CELF2: variants seen among roughly 807,000 people sequenced by gnomAD.
CELF2 encodes CUG triplet repeat RNA-binding protein 2.
CELF2 carries 8 observed loss-of-function variants against 62.6 expected under a neutral mutation model. That is an observed-to-expected ratio of 0.13 (90% CI 0.07 to 0.23). The LOEUF (loss-of-function observed/expected upper bound fraction) is 0.23, where lower values mean the gene tolerates loss of function less well. Among genes scored for constraint, CELF2 ranks in the 10% least tolerant of loss-of-function variants. The pLI is 1.00. For synonymous variants in CELF2, 258 were observed against 250.0 expected, an observed-to-expected ratio of 1.03 and a Z score of -0.30; for missense variants, 333 against 671.0, an observed-to-expected ratio of 0.50 and a Z score of 5.56.
rs2046715248 is a variant in CELF2 at position 10,938,947 on chromosome 10, T to A, written c.89+18948T>A. Among the ~76,000 whole-genome samples, 1 of 152,186 alleles carries A rather than the reference T, an allele frequency of 6.6e-6. No individual in the cohort carries two copies. Among genetic ancestry groups the A allele is most frequent in the East Asian group, 1.9e-4 (1 of 5,188 alleles). ...CTTTCTCCATGCCTAGGCCAAGCGC[T>A]CCTGCAGCAGCAAAATCCCTCTCTG... On this transcript the variant is annotated intron_variant, in intron 2 of 13. Coordinates refer to the CELF2 transcript ENST00000636488. This position sits in a 1 kb window ranked among gnomAD's most constrained non-coding sequence, Gnocchi z 4.2.
At chr10:11,229,386 T>C (rs1472952279) in intron 3 of CELF2, among the ~76,000 whole-genome samples, 1 of 152,148 alleles carries the variant, frequency 6.6e-6, no homozygotes, top group Admixed American at 6.5e-5. Context: ...CTACCCAAAA[T>C]GATATGTGCA....
At chr10:10,692,748 G>A in the CELF2 span, among the ~76,000 whole-genome samples, 19 of 68,322 alleles carry the variant, frequency 2.8e-4, no homozygotes, top group African/African-American at 4.8e-4. Flanking sequence ...TGGATTCCTA[G>A]GTATTTTATT....
At chr10:10,925,431 A>G (rs999013425) in intron 2 of CELF2, among the ~76,000 whole-genome samples, 4 of 151,966 alleles carry the variant, frequency 2.6e-5, no homozygotes, top group African/African-American at 9.7e-5. Flanking sequence ...TCAGCTTGGC[A>G]TACACTTAGT....
intron 2 of CELF2, among the ~76,000 whole-genome samples, chr10:11,204,801 GC>G (rs1279108516): frequency 1.3e-5 from 2 of 152,210 alleles, no homozygotes; most frequent in Admixed American, 1.3e-4. Flanking sequence ...CGTCCTCATC[GC>G]AGCGTTTAGG....
intron 5 of CELF2, among the ~76,000 whole-genome samples, chr10:11,262,472 T>C (rs1295576859): frequency 6.6e-6 from 1 of 152,192 alleles, no homozygotes; most frequent in Non-Finnish European, 1.5e-5. Context: ...GTGGGAACTT[T>C]GGCGACATGC....
chr10:11,280,080 G>T lies in CELF2; in HGVS notation c.841+4960G>T, dbSNP rs116443562. 6.6e-6 allele frequency among the ~76,000 whole-genome samples: 1 copy of T among 152,150 alleles called. No individual in the cohort carries two copies. Among genetic ancestry groups the T allele is most frequent in the Admixed American group, 6.5e-5 (1 of 15,284 alleles). On this transcript the variant is annotated intron_variant, in intron 8 of 12. Transcript: ENST00000633077. This position sits in a 1 kb window ranked among gnomAD's most constrained non-coding sequence, Gnocchi z 7.6. ...GGTCTGGTGCCCTTTCAGGATGAGC[G>T]TGTGGGATAAAGTGTGACTTGGGGT...
intron 2 of CELF2, among the ~76,000 whole-genome samples, chr10:10,921,761 A>G (rs1322312217): frequency 6.6e-6 from 1 of 151,562 alleles, no homozygotes; most frequent in African/African-American, 2.4e-5. Context: ...GGGTGTGTGG[A>G]TTCAGAGCAG....
the CELF2 span, among the ~76,000 whole-genome samples, chr10:10,464,744 A>T: frequency 6.6e-6 from 1 of 152,188 alleles, no homozygotes; most frequent in Non-Finnish European, 1.5e-5. Context: ...TGAACTAGTA[A>T]TCAGTCCATA....
At chr10:10,641,064 T>A in the CELF2 span, among the ~76,000 whole-genome samples, 1 of 152,180 alleles carries the variant, frequency 6.6e-6, no homozygotes, top group Non-Finnish European at 1.5e-5. Flanking sequence ...TGAGAACATG[T>A]GGTATGTCAG....
At chr10:11,251,796 C>T (rs1326655740) in intron 4 of CELF2, among the ~76,000 whole-genome samples, 3 of 152,180 alleles carry the variant, frequency 2.0e-5, no homozygotes, top group Non-Finnish European at 2.9e-5. Context: ...GCATAATACC[C>T]GGCACGTAGC....
At position 11,157,334 on chromosome 10, in the gene CELF2, G is replaced by A. The variant is rs1370072109; in HGVS notation, c.75-8152G>A. On this transcript the variant is annotated intron_variant, in intron 1 of 12. Transcript: ENST00000633077. The surrounding 1 kb of genome is among the most constrained non-coding windows in gnomAD (Gnocchi z 4.9). ...TTTTTTGTTTCGTTTCAATGCCATT[G>A]CCAACTAGGTGAAATGGTATAGCCT... 1.3e-5 allele frequency among the ~76,000 whole-genome samples: 2 copies of A among 151,994 alleles called. No individual in the cohort carries two copies. Among genetic ancestry groups the A allele is most frequent in the East Asian group, 1.9e-4 (1 of 5,188 alleles).
intron 2 of CELF2, chr10:10,927,352 A>AAAAAAAAAAAAAAAAC (rs2065604354): frequency 9.0e-5 from 8 of 88,938 alleles, no homozygotes; most frequent in Non-Finnish European, 1.4e-4. Context: ...ACATTAAAAA[A>AAAAAAAAAAAAAAAAC]AAAAAAAAAA....
intron 2 of CELF2, among the ~76,000 whole-genome samples, chr10:11,206,430 C>T (rs146506892): frequency 4.1e-3 from 621 of 152,314 alleles, no homozygotes; most frequent in Middle Eastern, 0.034. Context: ...TAATGAGGTC[C>T]CTCAGTACTT....
intron 1 of CELF2, among the ~76,000 whole-genome samples, chr10:10,826,910 G>A (rs1056401591): frequency 6.6e-6 from 1 of 152,182 alleles, no homozygotes; most frequent in Non-Finnish European, 1.5e-5. Flanking sequence ...ATGTCTTAAT[G>A]TACAAATGAG....
intron 1 of CELF2, among the ~76,000 whole-genome samples, chr10:10,832,273 A>AAT (rs35304124): frequency 6.6e-6 from 1 of 150,940 alleles, no homozygotes; most frequent in African/African-American, 2.4e-5. Context: ...ATCTAAAAAA[A>AAT]AAAAATAAAA....
chr10:11,084,408 C>A (rs1297347097), intron 1 of CELF2, among the ~76,000 whole-genome samples: 1 of 152,156 alleles, frequency 6.6e-6, no homozygotes, highest in Non-Finnish European at 1.5e-5. Context: ...TGCCAGAGCA[C>A]AATTAAGTGT....
chr10:10,524,852 C>T, the CELF2 span, among the ~76,000 whole-genome samples: 1 of 152,210 alleles, frequency 6.6e-6, no homozygotes, highest in South Asian at 2.1e-4. Context: ...CTATTCATCA[C>T]TTGTTTCATG....
chr10:10,826,665 G>A (rs2057414716), intron 1 of CELF2, among the ~76,000 whole-genome samples: 1 of 152,162 alleles, frequency 6.6e-6, no homozygotes, highest in Admixed American at 6.5e-5. Context: ...TCTCTGAGAA[G>A]TTCGAGATCC....
At chr10:10,570,611 A>C in the CELF2 span, among the ~76,000 whole-genome samples, 4 of 152,164 alleles carry the variant, frequency 2.6e-5, no homozygotes, top group Non-Finnish European at 5.9e-5. Context: ...CTAAAATTAA[A>C]AATATCTGTA....
Sources: gnomAD v4.1 joint callset for allele counts (sites outside exome capture counted in the v4.1 genomes callset) on GRCh38, gnomAD v4.1.1 for gene constraint, Gnocchi (gnomAD v3.1) non-coding constraint, MANE v1.5 for transcripts, NCBI Gene and HGNC (gene_info 2026-07-23, HGNC 2026-07-21) for gene names.